Variants in PYM1 observed in about 807,000 individuals in gnomAD.
The protein encoded by PYM1 is partner of Y14 and mago.
PYM1 carries 7 observed loss-of-function variants against 20.7 expected under a neutral mutation model. The observed-to-expected ratio is 0.34, with a 90% CI of 0.19 to 0.64. The LOEUF (loss-of-function observed/expected upper bound fraction) is 0.64. Among genes scored for constraint, PYM1 ranks in the 30% least tolerant of loss-of-function variants. PYM1 has a pLI of 0.74. For missense variants in PYM1, 194 were observed against 250.0 expected (o/e 0.78, Z 1.51); for synonymous variants, 100 against 99.2 (o/e 1.01, Z -0.05).
At chr12:55,916,196 G>A (rs776953820) in intron 1 of PYM1, among the ~76,000 whole-genome samples, 3 of 151,898 alleles carry the variant, frequency 2.0e-5, no homozygotes, top group South Asian at 2.1e-4. Flanking sequence ...TTAGCCAGAC[G>A]TGCTGGCACA....
At chr12:55,912,019 T>C (rs941483955) in intron 1 of PYM1, among the ~76,000 whole-genome samples, 2 of 152,120 alleles carry the variant, frequency 1.3e-5, no homozygotes, top group Non-Finnish European at 2.9e-5. Flanking sequence ...GGACAACATA[T>C]TGAGACCCTA....
At chr12:55,927,068 G>A in intron 1 of PYM1, 4 of 1,498,300 alleles carry the variant, frequency 2.7e-6, no homozygotes, top group South Asian at 2.7e-5. Context: ...CGCGCCTCCC[G>A]CACTCACCGC....
At chr12:55,911,483 G>A (rs540876693) in intron 1 of PYM1, among the ~76,000 whole-genome samples, 5 of 152,096 alleles carry the variant, frequency 3.3e-5, no homozygotes, top group South Asian at 4.1e-4. Flanking sequence ...TTTAAGATAC[G>A]GCAAGAAACA....
intron 1 of PYM1, chr12:55,927,353 C>G (rs1883212481): frequency 1.4e-6 from 1 of 731,810 alleles, no homozygotes; most frequent in Admixed American, 2.0e-5. Flanking sequence ...AAACAGTCCT[C>G]AGGGAGCCAA....
intron 1 of PYM1, among the ~76,000 whole-genome samples, chr12:55,909,056 G>A (rs1490222884): frequency 6.6e-6 from 1 of 152,032 alleles, no homozygotes; most frequent in East Asian, 1.9e-4. Flanking sequence ...GGAATAGGAA[G>A]CCTGGTTGGA....
chr12:55,905,931 C>T lies in PYM1; in HGVS notation c.38-2451G>A, dbSNP rs1338263310. Among the ~76,000 whole-genome samples the T allele has an allele frequency of 5.8e-5, 6 of 103,366 alleles. 2 individuals are homozygous for T. The highest frequency in any genetic ancestry group is 1.3e-4 in the African/African-American group (3 of 23,380). The allele number at this position is 103,366 out of a possible 152,430, so 67.8% of individuals were successfully genotyped here. A position where few individuals can be genotyped will look rare whatever the true frequency, so the allele number is the denominator to read the frequency against. On this transcript the variant is annotated intron_variant, in intron 1 of 2. Transcript: ENST00000408946. Reference sequence around the variant, plus strand: ...TAGATATATATATTATTATATATATCTAATAGATATATATATTATTATATA... The same window carrying T: ...TAGATATATATATTATTATATATATTTAATAGATATATATATTATTATATA...
chr12:55,922,394 G>A (rs567012979), intron 1 of PYM1, among the ~76,000 whole-genome samples: 22 of 140,220 alleles, frequency 1.6e-4, no homozygotes, highest in Non-Finnish European at 2.6e-4. Flanking sequence ...ACAATACCTT[G>A]AGCTCAGGAG....
At position 55,927,821 on chromosome 12, in the gene PYM1, G is replaced by A. The variant is rs1456535832; in HGVS notation, c.-60C>T. ...GCCCTGGCCTGGCTCTGCCCCGCTG[G>A]GCGGCGCCGGGGATTCGGCGGCGAA... is the stretch of plus-strand genomic sequence containing the variant. On this transcript the variant is annotated 5_prime_UTR_variant, in exon 1 of 3. Coordinates refer to ENST00000408946, the MANE Select transcript of PYM1 (RefSeq NM_032345.3). 2.0e-5 allele frequency: 31 copies of A among 1,517,902 alleles called. No homozygotes were observed. In the East Asian group the frequency reaches 3.0e-4, roughly 15 times the overall value. The allele number at this position is 1,517,902 out of a possible 1,614,324, so 94.0% of individuals were successfully genotyped here.
intron 1 of PYM1, among the ~76,000 whole-genome samples, chr12:55,920,789 A>G (rs1472789538): frequency 1.3e-5 from 2 of 152,256 alleles, no homozygotes; most frequent in African/African-American, 4.8e-5. Flanking sequence ...GTGCATGCCC[A>G]AACTATAAAA....
intron 1 of PYM1, among the ~76,000 whole-genome samples, chr12:55,904,197 C>T (rs1396047814): frequency 9.9e-5 from 15 of 151,792 alleles, no homozygotes; most frequent in Non-Finnish European, 2.1e-4. Flanking sequence ...GAACTCCTGA[C>T]CTCAGGTGAT....
At chr12:55,921,180 G>A (rs1236373685) in intron 1 of PYM1, among the ~76,000 whole-genome samples, 3 of 152,126 alleles carry the variant, frequency 2.0e-5, no homozygotes, top group Non-Finnish European at 2.9e-5. Flanking sequence ...CCTGGTACTT[G>A]GCCATATATA....
In PYM1 at chr12:55,927,789, G is replaced by A; in HGVS notation, c.-28C>T. The A allele has an allele frequency of 6.5e-6, 10 of 1,536,920 alleles. No homozygotes were observed. Among genetic ancestry groups the A allele is most frequent in the Non-Finnish European group, 7.9e-6 (9 of 1,145,698 alleles). On this transcript the variant is annotated 5_prime_UTR_variant, in exon 1 of 3. Transcript: ENST00000408946. ...CCGAAGAGGCAGCGGACCAGGTTGG[G>A]CGGGCGGCCCTGGCCTGGCTCTGCC...
intron 1 of PYM1, among the ~76,000 whole-genome samples, chr12:55,909,536 A>T (rs1882884085): frequency 1.3e-5 from 2 of 152,146 alleles, no homozygotes; most frequent in Non-Finnish European, 2.9e-5. Context: ...CTTTATACAA[A>T]GCAGTGTTTC....
At chr12:55,922,254 G>T (rs984060050) in intron 1 of PYM1, among the ~76,000 whole-genome samples, 1 of 151,780 alleles carries the variant, frequency 6.6e-6, no homozygotes, top group South Asian at 2.1e-4. Flanking sequence ...GGAAAGGAAG[G>T]GGGTAAAGCC....
At chr12:55,903,584 A>C in intron 1 of PYM1, 104 bp from the exon 2 acceptor site, 1 of 1,044,514 alleles carries the variant, frequency 9.6e-7, no homozygotes, top group Non-Finnish European at 1.4e-6. Context: ...GCACCCATTC[A>C]TCCAAATGCA....
chr12:55,912,435 T>C (rs1882939884), intron 1 of PYM1, among the ~76,000 whole-genome samples: 1 of 152,068 alleles, frequency 6.6e-6, no homozygotes, highest in Non-Finnish European at 1.5e-5. Flanking sequence ...AAATTTCCAT[T>C]AGGCCAGGCG....
chr12:55,902,611 G>A (rs1882714621), intron 2 of PYM1, among the ~76,000 whole-genome samples: 1 of 151,794 alleles, frequency 6.6e-6, no homozygotes, highest in Non-Finnish European at 1.5e-5. Flanking sequence ...CCGGGTAGCT[G>A]GGATTACAGG....
At chr12:55,906,811 G>T (rs536054576) in intron 1 of PYM1, among the ~76,000 whole-genome samples, 2 of 151,852 alleles carry the variant, frequency 1.3e-5, no homozygotes, top group African/African-American at 4.8e-5. Context: ...ACAATACCTG[G>T]CTAATTTTGT....
chr12:55,927,296 G>A, intron 1 of PYM1: 1 of 905,714 alleles, frequency 1.1e-6, no homozygotes, highest in Non-Finnish European at 1.8e-6. Flanking sequence ...TAAAGCCGTG[G>A]GCTTTTTACT....
Sources: allele counts gnomAD v4.1 joint callset (sites outside exome capture counted in the v4.1 genomes callset), GRCh38; gene constraint gnomAD v4.1.1; transcripts MANE v1.5; gene names NCBI Gene and HGNC (gene_info 2026-07-23, HGNC 2026-07-21).